The following ASB2 variants were observed in gnomAD, a reference collection of about 807,000 sequenced individuals.
ASB2 encodes ankyrin repeat and SOCS box protein 2.
Under a neutral mutation model 62.4 loss-of-function variants are expected in ASB2, and 58 were observed. That is an observed-to-expected ratio of 0.93 (90% CI 0.75 to 1.16). The LOEUF is 1.16. Among genes scored for constraint, ASB2 ranks in the 50% most tolerant of loss-of-function variants. The pLI, the probability that ASB2 is intolerant of heterozygous loss-of-function variation, is 0.00. For missense variants in ASB2, 928 were observed against 887.9 expected, an observed-to-expected ratio of 1.05 and a Z score of -0.57; for synonymous variants, 386 against 385.3, an observed-to-expected ratio of 1.00 and a Z score of -0.02.
chr14:93,960,918 A>G lies in ASB2; in HGVS notation c.206+3416T>C, dbSNP rs114787168. Among the ~76,000 whole-genome samples, 774 of 151,842 alleles carry G rather than the reference A, an allele frequency of 5.1e-3. 13 individuals carry two copies. The highest frequency in any genetic ancestry group is 0.017 in the African/African-American group (721 of 41,340). ...GTTTAAAAACATTTATTAGGTAGCT[A>G]CAATGATCCAGGCTCTAAGCTGGGC... On this transcript the variant is annotated intron_variant, in intron 2 of 9. Coordinates refer to ENST00000555019, the MANE Select transcript of ASB2 (RefSeq NM_001202429.2).
At position 93,962,175 on chromosome 14, in the gene ASB2, C is replaced by T. The variant is rs28412187; in HGVS notation, c.206+2159G>A. 2.9e-3 allele frequency among the ~76,000 whole-genome samples: 257 copies of T among 90,078 alleles called. 1 individual carries two copies. Among genetic ancestry groups the T allele is most frequent in the African/African-American group, 9.5e-3 (219 of 23,152 alleles). The allele number at this position is 90,078 out of a possible 152,430, so 59.1% of individuals were successfully genotyped here. ...TGTCGCCCAGGCTGGAGTGCAGTGG[C>T]GGGATCTCGGCTCACTGCAAGCTCC... On this transcript the variant is annotated intron_variant, in intron 2 of 9. Coordinates refer to ENST00000555019, the MANE Select transcript of ASB2 (RefSeq NM_001202429.2).
At chr14:93,942,166 C>A in intron 7 of ASB2, 1 of 455,770 alleles carries the variant, frequency 2.2e-6, no homozygotes, top group South Asian at 1.5e-5. Context: ...GGTGACCCCA[C>A]CAAACAGTCT....
intron 1 of ASB2, among the ~76,000 whole-genome samples, chr14:93,971,991 A>G (rs1041829293): frequency 1.4e-4 from 21 of 148,466 alleles, no homozygotes; most frequent in African/African-American, 4.9e-4. Context: ...ACATAATAAC[A>G]TATAACATAT....
chr14:93,935,947 C>T (rs2236237), intron 9 of ASB2, among the ~76,000 whole-genome samples: 39,843 of 152,168 alleles, frequency 0.26, 5,849 homozygotes, highest in East Asian at 0.6. Flanking sequence ...ACCTTGTACA[C>T]AGAAGGTCTT....
chr14:93,951,067 C>T lies in ASB2; in HGVS notation c.812G>A (p.Gly271Asp). The T allele has an allele frequency of 6.2e-7, 1 of 1,614,202 alleles. No individual in the cohort carries two copies. The highest frequency in any genetic ancestry group is 8.5e-7 in the Non-Finnish European group (1 of 1,180,050). Residue 271 changes from glycine to aspartate, a missense_variant, in exon 6 of 10, where the codon GGC (glycine) becomes GAC (aspartate). Physicochemically the swap from Gly to Asp is moderately conservative, Grantham distance 94. Coordinates refer to ENST00000555019, the MANE Select transcript of ASB2 (RefSeq NM_001202429.2). ...GGCGGCCACGAACAAGGGGGTGATG[C>T]CGTAGGCGTTCTTGGATTCCACCTT... is the stretch of plus-strand genomic sequence containing the variant. Reference protein sequence around the residue: ...GAKVESKNAYGITPLFVAAQS... With the variant: ...GAKVESKNAYDITPLFVAAQS...
intron 4 of ASB2, 59 bp downstream of exon 4, chr14:93,954,258 G>T: frequency 7.4e-7 from 1 of 1,357,928 alleles, no homozygotes. Context: ...CCCCAGGAGC[G>T]GCAGCCCTTC....
intron 8 of ASB2, among the ~76,000 whole-genome samples, chr14:93,938,233 CTTTTTT>C (rs35127276): frequency 5.9e-5 from 4 of 67,620 alleles, no homozygotes; most frequent in East Asian, 5.8e-4. Context: ...TAAGTTCTGA[CTTTTTT>C]TTTTTTTTTT....
rs1888425263 is a variant in ASB2, at chr14:93,939,514, G to C, written c.1211C>G (p.Ala404Gly). The C allele has an allele frequency of 6.2e-7, 1 of 1,606,668 alleles. No homozygotes were observed. The highest frequency in any genetic ancestry group is 1.7e-5 in the Admixed American group (1 of 59,586). ...DVNTPLAPER[A>G]RLYEDRRSSA... The stretch of plus-strand genomic sequence containing the variant: ...GCTGCGCCGGTCTTCGTAGAGGCGC[G>C]CGCGCTCGGGGGCCAGCGGCGTGTT... The change falls in exon 8 of 10, where the codon GCG becomes GGG. Residue 404 changes from alanine to glycine, a missense_variant. Transcript: ENST00000555019.
At chr14:93,961,010 C>G (rs989809422) in intron 2 of ASB2, among the ~76,000 whole-genome samples, 3 of 151,602 alleles carry the variant, frequency 2.0e-5, no homozygotes, top group Non-Finnish European at 4.4e-5. Flanking sequence ...AGCTCTCTGT[C>G]CCCTAGGAGG....
intron 2 of ASB2, among the ~76,000 whole-genome samples, chr14:93,963,292 CAAT>C (rs915048715): frequency 1.3e-5 from 2 of 151,914 alleles, no homozygotes; most frequent in African/African-American, 4.8e-5. Flanking sequence ...CTGCTGTACA[CAAT>C]GAGATTTGTG....
intron 1 of ASB2, among the ~76,000 whole-genome samples, chr14:93,965,286 T>A (rs1889553269): frequency 1.3e-5 from 2 of 152,234 alleles, no homozygotes. Flanking sequence ...ACAACGATGA[T>A]TCCAACAGAC....
intron 6 of ASB2, among the ~76,000 whole-genome samples, chr14:93,950,407 T>G (rs79193263): frequency 0.015 from 2,259 of 152,336 alleles, 54 homozygotes; most frequent in African/African-American, 0.051. Context: ...TTTTCTCCCA[T>G]TAAGATATTT....
In ASB2 at chr14:93,938,944, C is replaced by T. The variant is rs188416770; in HGVS notation, c.1617+164G>A. Among the ~76,000 whole-genome samples the T allele has an allele frequency of 3.3e-3, 506 of 152,366 alleles. 1 individual carries two copies. Among genetic ancestry groups the T allele is most frequent in the African/African-American group, 0.011 (471 of 41,592 alleles). ...GACGCAGGTTAACCACCGTGCTCTGCTGCCTCCAAAGCTGGCCCCACTTCC... is the reference window on the plus strand; with the variant it reads ...GACGCAGGTTAACCACCGTGCTCTGTTGCCTCCAAAGCTGGCCCCACTTCC... On this transcript the variant is annotated intron_variant, in intron 8 of 9. Coordinates refer to ENST00000555019, the MANE Select transcript of ASB2 (RefSeq NM_001202429.2).
chr14:93,944,384 C>T (rs546984828), intron 7 of ASB2, among the ~76,000 whole-genome samples: 1 of 152,374 alleles, frequency 6.6e-6, no homozygotes, highest in African/African-American at 2.4e-5. Context: ...TCTCAGCACA[C>T]CCGCATGTCA....
intron 5 of ASB2, among the ~76,000 whole-genome samples, chr14:93,953,050 C>G (rs1055260473): frequency 3.3e-5 from 5 of 152,204 alleles, no homozygotes; most frequent in African/African-American, 1.2e-4. Flanking sequence ...TCCCACAATG[C>G]CTCCTGCCAA....
chr14:93,954,281 T>A (rs759898168), intron 4 of ASB2, 36 bp downstream of exon 4: 1 of 1,587,324 alleles, frequency 6.3e-7, no homozygotes, highest in Admixed American at 1.7e-5. Flanking sequence ...CTAGTCCCTT[T>A]CCCACCTCTT....
chr14:93,946,258 G>A (rs918859881), intron 7 of ASB2, among the ~76,000 whole-genome samples: 2 of 152,162 alleles, frequency 1.3e-5, no homozygotes, highest in Non-Finnish European at 1.5e-5. Context: ...ATGAAAATCC[G>A]GGTTGACCCG....
In ASB2 at chr14:93,964,483, G is replaced by A. The variant is rs2141313963; in HGVS notation, c.57C>T (p.Tyr19=). 1 of 1,536,082 alleles carries A rather than the reference G, an allele frequency of 6.5e-7. No individual in the cohort carries two copies. The highest frequency in any genetic ancestry group is 1.4e-5 in the African/African-American group (1 of 73,128). The change falls in exon 2 of 10, where the codon TAC becomes TAT. Residue 19 remains tyrosine (Y), a synonymous_variant. Coordinates refer to ENST00000555019, the MANE Select transcript of ASB2 (RefSeq NM_001202429.2). The part of the protein sequence containing the change: ...GSQCTIGQEE[Y]SLYSSLSEDE... ...CCTCGCTCAGGCTGCTGTACAGGCT[G>A]TACTCCTCCTGCCCAATGGTACACT...
intron 7 of ASB2, chr14:93,940,603 A>T (rs1490163414): frequency 6.6e-6 from 1 of 152,176 alleles, no homozygotes; most frequent in African/African-American, 2.4e-5. Context: ...GTCAGTCTCA[A>T]CGCCTCCTCC....
Sources: allele counts gnomAD v4.1 joint callset (sites outside exome capture counted in the v4.1 genomes callset), GRCh38; gene constraint gnomAD v4.1.1; transcripts MANE v1.5; gene names NCBI Gene and HGNC (gene_info 2026-07-23, HGNC 2026-07-21).